SOS1: variants seen among roughly 807,000 people sequenced by gnomAD.
SOS1 encodes the protein SOS Ras/Rac guanine nucleotide exchange factor 1.
A neutral mutation model predicts 157.6 loss-of-function variants in SOS1; 25 were observed. The observed-to-expected ratio is 0.16, with a 90% CI of 0.12 to 0.22. SOS1 has a LOEUF of 0.22. Ranked by LOEUF, SOS1 falls within the 10% of genes least tolerant of loss-of-function variation. SOS1 has a pLI of 1.00. For missense variants in SOS1, 1,237 were observed against 1,599.1 expected, an observed-to-expected ratio of 0.77 and a Z score of 3.86; for synonymous variants, 528 against 534.0, an observed-to-expected ratio of 0.99 and a Z score of 0.16.
At chr2:39,064,090 T>G (rs553692648) in intron 2 of SOS1, among the ~76,000 whole-genome samples, 6 of 152,240 alleles carry the variant, frequency 3.9e-5, no homozygotes, top group African/African-American at 1.4e-4. Flanking sequence ...CACGTTGCCC[T>G]CCCAAAGTGC....
At chr2:39,039,999 C>A (rs1025770268) in intron 6 of SOS1, among the ~76,000 whole-genome samples, 5 of 151,602 alleles carry the variant, frequency 3.3e-5, no homozygotes, top group African/African-American at 1.2e-4. Context: ...GTTTCAACAC[C>A]CCCTTTTATT....
chr2:39,053,746 G>A (rs1286644912), intron 5 of SOS1, among the ~76,000 whole-genome samples: 1 of 151,980 alleles, frequency 6.6e-6, no homozygotes, highest in Admixed American at 6.6e-5. Flanking sequence ...ACCCAATTAG[G>A]TTAGTTTGAT....
At chr2:39,065,154 T>C (rs1671551405) in intron 2 of SOS1, among the ~76,000 whole-genome samples, 1 of 152,150 alleles carries the variant, frequency 6.6e-6, no homozygotes, top group Non-Finnish European at 1.5e-5. Flanking sequence ...TTTAGGGCCC[T>C]TATTATTTTA....
chr2:39,123,733 G>A (rs892464746), upstream of SOS1, among the ~76,000 whole-genome samples: 1 of 152,218 alleles, frequency 6.6e-6, no homozygotes, highest in African/African-American at 2.4e-5. Context: ...CCTGCACACA[G>A]TAGGTAGCAA....
At chr2:39,040,169 A>ATG (rs1670516134) in intron 6 of SOS1, among the ~76,000 whole-genome samples, 1 of 148,904 alleles carries the variant, frequency 6.7e-6, no homozygotes. Flanking sequence ...CCGCCACTAC[A>ATG]CCCGGCTAAT....
rs188360031 is a variant in SOS1, at chr2:39,066,057, C to G, written c.213+1571G>C. Among the ~76,000 whole-genome samples the G allele has an allele frequency of 1.8e-4, 27 of 152,284 alleles. 1 individual carries two copies. In the East Asian group the frequency reaches 5.2e-3, roughly 29 times the overall value. ...TCAGTGATGCTCTTCTCAGCAGTTT[C>G]TCATTGGATATGCCTGTCTATCAAT... On this transcript the variant is annotated intron_variant, in intron 2 of 22. Coordinates refer to ENST00000402219, the MANE Select transcript of SOS1 (RefSeq NM_005633.4).
chr2:38,999,285 G>C (rs919403337), intron 17 of SOS1, among the ~76,000 whole-genome samples: 1 of 152,158 alleles, frequency 6.6e-6, no homozygotes, highest in African/African-American at 2.4e-5. Flanking sequence ...ATAGGGGTTT[G>C]GTGTGTGGGG....
At chr2:39,122,251 G>A (rs1673915610), upstream of SOS1, among the ~76,000 whole-genome samples, 1 of 150,522 alleles carries the variant, frequency 6.6e-6, no homozygotes. Context: ...CCAACACTGT[G>A]AAAACCTGTC....
intron 10 of SOS1, among the ~76,000 whole-genome samples, chr2:39,016,804 A>C (rs1669647616): frequency 6.6e-6 from 1 of 152,132 alleles, no homozygotes; most frequent in Non-Finnish European, 1.5e-5. Flanking sequence ...CAGGCTAAAA[A>C]GTTGAGGGAC....
At chr2:38,990,060 T>A (rs1322000927) in intron 20 of SOS1, among the ~76,000 whole-genome samples, 2 of 152,110 alleles carry the variant, frequency 1.3e-5, no homozygotes, top group Admixed American at 6.6e-5. Context: ...AATATAGTTG[T>A]TTGTTTGTAC....
intron 1 of SOS1, 52 bp downstream of exon 1, chr2:39,120,284 C>T (rs1387073436): frequency 4.7e-6 from 7 of 1,497,510 alleles, no homozygotes; most frequent in Non-Finnish European, 6.3e-6. Flanking sequence ...CCTTCCCCAG[C>T]GCCCGCGCTG....
chr2:39,093,529 T>C (rs1297304536), intron 1 of SOS1, among the ~76,000 whole-genome samples: 1 of 152,186 alleles, frequency 6.6e-6, no homozygotes, highest in Non-Finnish European at 1.5e-5. Context: ...ACAAATATAT[T>C]CTGGTAGGTC....
intron 20 of SOS1, 84 bp downstream of exon 20, chr2:38,995,038 CA>C: frequency 3.4e-6 from 4 of 1,192,774 alleles, no homozygotes; most frequent in Non-Finnish European, 3.7e-6. Flanking sequence ...TTCACACATA[CA>C]AAAAAATAAC....
chr2:38,989,185 G>A (rs1453922140), intron 21 of SOS1, 85 bp downstream of exon 21: 5 of 916,252 alleles, frequency 5.5e-6, no homozygotes, highest in Admixed American at 1.8e-5. Context: ...CCAGACCCAA[G>A]AAGAGTTTTA....
intron 1 of SOS1, among the ~76,000 whole-genome samples, chr2:39,080,870 A>C (rs768315361): frequency 7.9e-5 from 12 of 152,174 alleles, no homozygotes; most frequent in Non-Finnish European, 1.3e-4. Flanking sequence ...GTGATAGGCT[A>C]GCTAAAATAC....
At chr2:39,015,328 T>C (rs958214564) in intron 10 of SOS1, among the ~76,000 whole-genome samples, 3 of 151,992 alleles carry the variant, frequency 2.0e-5, no homozygotes, top group Non-Finnish European at 4.4e-5. Flanking sequence ...TTGGAACTTA[T>C]AAAGTAGTAG....
At position 39,050,855 on chromosome 2, in the gene SOS1, T is replaced by A. The variant is rs572310816; in HGVS notation, c.864+289A>T. Among the ~76,000 whole-genome samples the A allele has an allele frequency of 2.6e-5, 4 of 152,318 alleles. No homozygotes were observed. The South Asian group carries it at 8.3e-4, about 32-fold the overall frequency. ...AGTTCTGTGGTCTCTTACTTAATAG[T>A]CATTCATTGACATTTCTTAACGTTT... On this transcript the variant is annotated intron_variant, in intron 6 of 22. Transcript: ENST00000402219.
chr2:39,073,774 C>G (rs896458503), intron 1 of SOS1, among the ~76,000 whole-genome samples: 3 of 152,174 alleles, frequency 2.0e-5, no homozygotes, highest in Non-Finnish European at 4.4e-5. Context: ...CCAGAAAATA[C>G]TCTGTTGAAT....
In SOS1 at chr2:39,037,359, T is replaced by C. The variant is rs186972669; in HGVS notation, c.865-1859A>G. ...ATGCCAAATATCATAATGTATACATTCATCTATAAGTTGCCTTTTATACTC... is the reference window on the plus strand; with the variant it reads ...ATGCCAAATATCATAATGTATACATCCATCTATAAGTTGCCTTTTATACTC... On this transcript the variant is annotated intron_variant, in intron 6 of 22. Coordinates refer to ENST00000402219, the MANE Select transcript of SOS1 (RefSeq NM_005633.4). Among the ~76,000 whole-genome samples the C allele has an allele frequency of 4.2e-3, 646 of 152,344 alleles. 5 individuals carry two copies. Among genetic ancestry groups the C allele is most frequent in the African/African-American group, 0.015 (617 of 41,590 alleles).
Sources: allele counts gnomAD v4.1 joint callset (sites outside exome capture counted in the v4.1 genomes callset), GRCh38; gene constraint gnomAD v4.1.1; transcripts MANE v1.5; gene names NCBI Gene and HGNC (gene_info 2026-07-23, HGNC 2026-07-21).